Variants in CNTN5 observed in about 807,000 individuals in gnomAD.
The protein encoded by CNTN5 is contactin-5.
Under a neutral mutation model 129.1 loss-of-function variants are expected in CNTN5, and 77 were observed. The ratio of observed to expected loss-of-function variants is 0.60; its 90% CI spans 0.50 to 0.72. The LOEUF (loss-of-function observed/expected upper bound fraction) is 0.72. Ranked by LOEUF, CNTN5 falls within the 30% of genes least tolerant of loss-of-function variation. CNTN5 has a pLI of 0.00. For synonymous variants in CNTN5, 509 were observed against 465.6 expected, an observed-to-expected ratio of 1.09 and a Z score of -1.20; for missense variants, 1,478 against 1,328.8, an observed-to-expected ratio of 1.11 and a Z score of -1.75.
At chr11:99,705,932 G>C (rs557203674) in intron 3 of CNTN5, among the ~76,000 whole-genome samples, 1 of 151,560 alleles carries the variant, frequency 6.6e-6, no homozygotes, top group South Asian at 2.1e-4. Flanking sequence ...AACTAGAGCA[G>C]AGTGTTGGGA....
chr11:99,135,807 C>G (rs1210887375), intron 1 of CNTN5, among the ~76,000 whole-genome samples: 1 of 151,914 alleles, frequency 6.6e-6, no homozygotes, highest in Non-Finnish European at 1.5e-5. Flanking sequence ...AAATTAGTAC[C>G]AAGATCTGTG....
chr11:99,576,190 A>G (rs868676926), intron 3 of CNTN5, among the ~76,000 whole-genome samples: 5 of 152,196 alleles, frequency 3.3e-5, no homozygotes, highest in Admixed American at 1.3e-4. Context: ...TGGAGGAATG[A>G]GAGATTGAAT....
intron 1 of CNTN5, among the ~76,000 whole-genome samples, chr11:99,244,554 C>A (rs1861724009): frequency 6.6e-6 from 1 of 152,128 alleles, no homozygotes; most frequent in Non-Finnish European, 1.5e-5. Context: ...TCTATTCTTT[C>A]TTTCACAAGT....
At chr11:100,253,591 T>C (rs1434996604) in intron 16 of CNTN5, among the ~76,000 whole-genome samples, 1 of 152,138 alleles carries the variant, frequency 6.6e-6, no homozygotes, top group Non-Finnish European at 1.5e-5. Context: ...TTATTATAGT[T>C]AATATTCTTC....
intron 3 of CNTN5, among the ~76,000 whole-genome samples, chr11:99,769,475 T>A (rs1944869926): frequency 6.6e-6 from 1 of 152,176 alleles, no homozygotes; most frequent in Admixed American, 6.6e-5. Flanking sequence ...TCTCTCACTC[T>A]ATAACTTGAT....
At position 99,350,514 on chromosome 11, in the gene CNTN5, C is replaced by A. The variant is rs193233726; in HGVS notation, c.-71+25030C>A. Among the ~76,000 whole-genome samples the A allele has an allele frequency of 1.2e-4, 18 of 152,156 alleles. No homozygotes were observed. In the East Asian group the frequency reaches 3.5e-3, roughly 29 times the overall value. On this transcript the variant is annotated intron_variant, in intron 2 of 24. Transcript: ENST00000524871. ...ACAAAAATATGTGTACGAGAATAAC[C>A]AAAGAAAGTTTATTCATAATTACCT...
chr11:100,108,552 C>T (rs1945534597), intron 13 of CNTN5, among the ~76,000 whole-genome samples: 1 of 151,972 alleles, frequency 6.6e-6, no homozygotes, highest in Non-Finnish European at 1.5e-5. Context: ...TTTCTTAGTT[C>T]TGTCAAGATC....
chr11:99,514,749 T>C (rs753444497), intron 2 of CNTN5, among the ~76,000 whole-genome samples: 1 of 152,120 alleles, frequency 6.6e-6, no homozygotes, highest in Non-Finnish European at 1.5e-5. Flanking sequence ...AAATAACTTT[T>C]ATTGCACTGC....
intron 2 of CNTN5, among the ~76,000 whole-genome samples, chr11:99,332,222 A>C (rs1051218326): frequency 1.3e-5 from 2 of 152,060 alleles, no homozygotes; most frequent in Admixed American, 6.6e-5. Context: ...TTTTAACCCT[A>C]TCTGGCATGC....
intron 1 of CNTN5, among the ~76,000 whole-genome samples, chr11:99,233,783 A>G (rs1488089067): frequency 6.6e-6 from 1 of 152,038 alleles, no homozygotes; most frequent in South Asian, 2.1e-4. Flanking sequence ...CATCTCTACT[A>G]AAAATACAAA....
At chr11:99,147,692 AGGG>A in intron 1 of CNTN5, among the ~76,000 whole-genome samples, 1 of 152,214 alleles carries the variant, frequency 6.6e-6, no homozygotes, top group South Asian at 2.1e-4. Context: ...TATTTATTAA[AGGG>A]ACATTATAAT....
chr11:99,558,616 G>C (rs890933425), intron 3 of CNTN5, among the ~76,000 whole-genome samples: 7 of 151,896 alleles, frequency 4.6e-5, no homozygotes, highest in Non-Finnish European at 1.0e-4. Context: ...AGTGGTTGTG[G>C]AAACAAACAC....
At chr11:100,007,691 G>A (rs1940280275) in intron 9 of CNTN5, among the ~76,000 whole-genome samples, 1 of 152,016 alleles carries the variant, frequency 6.6e-6, no homozygotes, top group African/African-American at 2.4e-5. Context: ...GATCTACCCA[G>A]ACCATTAAAA....
intron 2 of CNTN5, among the ~76,000 whole-genome samples, chr11:99,520,366 C>A (rs1213046958): frequency 1.3e-5 from 2 of 152,022 alleles, no homozygotes; most frequent in African/African-American, 4.8e-5. Context: ...TGTACTCCCC[C>A]AATCCTCATC....
chr11:99,946,018 T>C (rs1345622089), intron 7 of CNTN5, among the ~76,000 whole-genome samples: 1 of 152,184 alleles, frequency 6.6e-6, no homozygotes, highest in African/African-American at 2.4e-5. Flanking sequence ...ATCTAGATTT[T>C]TCTTGATTTC....
chr11:99,725,678 A>G (rs1943313510), intron 3 of CNTN5, among the ~76,000 whole-genome samples: 2 of 152,208 alleles, frequency 1.3e-5, no homozygotes, highest in African/African-American at 4.8e-5. Context: ...TATTTCGTAA[A>G]CATATGTATT....
At chr11:100,093,495 G>A (rs1402117258) in intron 13 of CNTN5, among the ~76,000 whole-genome samples, 1 of 151,874 alleles carries the variant, frequency 6.6e-6, no homozygotes, top group Non-Finnish European at 1.5e-5. Context: ...TCAAGCTCCT[G>A]GCCTCAAGTG....
At chr11:99,411,045 T>G (rs1448102566) in intron 2 of CNTN5, among the ~76,000 whole-genome samples, 1 of 152,230 alleles carries the variant, frequency 6.6e-6, no homozygotes, top group African/African-American at 2.4e-5. Flanking sequence ...CTTTCATTAT[T>G]CTTTATGAAT....
chr11:99,825,981 G>A (rs1006770126), intron 4 of CNTN5, among the ~76,000 whole-genome samples: 13 of 151,948 alleles, frequency 8.6e-5, no homozygotes, highest in African/African-American at 2.4e-4. Flanking sequence ...TTTCTGATTC[G>A]TCTGTTCTTC....
Sources: allele counts gnomAD v4.1 joint callset (sites outside exome capture counted in the v4.1 genomes callset), GRCh38; gene constraint gnomAD v4.1.1; transcripts MANE v1.5; gene names NCBI Gene and HGNC (gene_info 2026-07-23, HGNC 2026-07-21).